The following STK17A variants were observed in gnomAD, a reference collection of about 807,000 sequenced individuals.
STK17A encodes serine/threonine-protein kinase 17A.
STK17A carries 26 observed loss-of-function variants against 43.7 expected under a neutral mutation model. That is an observed-to-expected ratio of 0.60 (90% CI 0.44 to 0.83). The LOEUF (loss-of-function observed/expected upper bound fraction) is 0.83, where lower values mean the gene tolerates loss of function less well. Among genes scored for constraint, STK17A ranks in the 40% least tolerant of loss-of-function variants. The probability of loss-of-function intolerance (pLI) is 0.00; values close to 1 mark genes in which losing one functional copy is unlikely to be tolerated. For missense variants in STK17A, 476 were observed against 511.6 expected, an observed-to-expected ratio of 0.93 and a Z score of 0.67; for synonymous variants, 191 against 182.5, an observed-to-expected ratio of 1.05 and a Z score of -0.38.
intron 2 of STK17A, among the ~76,000 whole-genome samples, chr7:43,598,294 C>T (rs1057017701): frequency 6.6e-6 from 1 of 151,932 alleles, no homozygotes; most frequent in Non-Finnish European, 1.5e-5. Context: ...TACAGTGAAA[C>T]CTCGTCTCTA....
At chr7:43,620,329 G>T (rs773626106) in intron 4 of STK17A, among the ~76,000 whole-genome samples, 4 of 152,150 alleles carry the variant, frequency 2.6e-5, no homozygotes, top group Non-Finnish European at 4.4e-5. Flanking sequence ...TCTTTTTAAG[G>T]TATCTGTAGA....
intron 2 of STK17A, among the ~76,000 whole-genome samples, chr7:43,598,488 G>A (rs115919737): frequency 0.087 from 12,492 of 143,142 alleles, 645 homozygotes; most frequent in Admixed American, 0.16. Context: ...AAAAAAAAAA[G>A]GAAATAGGTC....
rs969904658 is a variant in STK17A at position 43,590,166 on chromosome 7, G to T, written c.207-5735G>T. Among the ~76,000 whole-genome samples, 21 of 151,000 alleles carry T rather than the reference G, an allele frequency of 1.4e-4. 2 individuals are homozygous for T. In the South Asian group the frequency reaches 1.7e-3, roughly 12 times the overall value. Reference sequence around the variant, plus strand: ...TCGCCACGTTGCCCAGGCTGGTCTCGAACTCCTGGGCTCAAGCAATCCGCC... The same window carrying T: ...TCGCCACGTTGCCCAGGCTGGTCTCTAACTCCTGGGCTCAAGCAATCCGCC... On this transcript the variant is annotated intron_variant, in intron 1 of 6. Coordinates refer to ENST00000319357, the MANE Select transcript of STK17A (RefSeq NM_004760.3).
intron 6 of STK17A, among the ~76,000 whole-genome samples, chr7:43,624,229 G>T (rs1282588657): frequency 1.3e-5 from 2 of 152,170 alleles, no homozygotes; most frequent in Non-Finnish European, 2.9e-5. Flanking sequence ...AATTGACAGT[G>T]AAATGACAGC....
chr7:43,593,696 T>TC (rs1554478395), intron 1 of STK17A, among the ~76,000 whole-genome samples: 21,359 of 146,308 alleles, frequency 0.15, 2,052 homozygotes, highest in Non-Finnish European at 0.22. Flanking sequence ...TCTGTTCATA[T>TC]AAAAAAAAAA....
chr7:43,607,647 CAAAAAAAAAAA>C (rs760624386), intron 2 of STK17A, among the ~76,000 whole-genome samples: 3 of 54,358 alleles, frequency 5.5e-5, no homozygotes, highest in East Asian at 6.1e-4. Context: ...GACTCCGTCT[CAAAAAAAAAAA>C]AAAAAAAAAA....
chr7:43,608,583 G>T (rs2082640679), intron 3 of STK17A, 183 bp downstream of exon 3: 1 of 588,464 alleles, frequency 1.7e-6, no homozygotes, highest in Non-Finnish European at 2.8e-6. Context: ...ATGCACACAT[G>T]TGTACATGGA....
chr7:43,588,056 A>G (rs1018071567), intron 1 of STK17A, among the ~76,000 whole-genome samples: 1 of 151,658 alleles, frequency 6.6e-6, no homozygotes, highest in African/African-American at 2.4e-5. Flanking sequence ...AAGTAGCTAT[A>G]GTCACCTCTT....
Position 43,596,090 on chromosome 7 carries a change from A to G in STK17A, c.396A>G (p.Ser132=). Residue 132 remains serine, a synonymous_variant, in exon 2 of 7, where the codon TCA becomes TCG. Transcript: ENST00000319357. ...INLHEVYETA[S]EMILVLEYAA... is the part of the protein sequence containing the mutation. ...TACATGAAGTTTATGAGACTGCATC[A>G]GAAATGATCTTAGTTCTGGAATAGT... The G allele has an allele frequency of 6.2e-7, 1 of 1,611,652 alleles. No individual in the cohort carries two copies. The highest frequency in any genetic ancestry group is 1.8e-4 in the Middle Eastern group (1 of 5,572).
At chr7:43,614,158 G>A (rs1300863864) in intron 3 of STK17A, among the ~76,000 whole-genome samples, 6 of 152,150 alleles carry the variant, frequency 3.9e-5, no homozygotes, top group South Asian at 4.2e-4. Flanking sequence ...GATCTTAGCC[G>A]CCAAATCTTC....
intron 2 of STK17A, among the ~76,000 whole-genome samples, chr7:43,600,369 G>C (rs1351019148): frequency 6.6e-6 from 1 of 152,090 alleles, no homozygotes; most frequent in African/African-American, 2.4e-5. Context: ...GGGGATTTTA[G>C]ACTTTAAGGA....
At chr7:43,620,221 A>G (rs979563839) in intron 4 of STK17A, among the ~76,000 whole-genome samples, 2 of 152,190 alleles carry the variant, frequency 1.3e-5, no homozygotes, top group African/African-American at 4.8e-5. Flanking sequence ...CTGAATGATG[A>G]TACTCCATGG....
chr7:43,625,034 AG>A lies in STK17A; in HGVS notation c.*194del. 2.1e-6 allele frequency: 1 copy of A among 469,228 alleles called. No individual in the cohort carries two copies. Among genetic ancestry groups the A allele is most frequent in the Non-Finnish European group, 3.7e-6 (1 of 268,292 alleles). 29.1% of individuals were successfully genotyped at this position (469,228 alleles called of 1,614,324 possible). ...AAAGTTGCCAACCAGGAGATTTAACAGGTACAGTTACCCGTTTCAATGTTAT... is the reference window on the plus strand; with the variant it reads ...AAAGTTGCCAACCAGGAGATTTAACAGTACAGTTACCCGTTTCAATGTTAT... On this transcript the variant is annotated 3_prime_UTR_variant, in exon 7 of 7. Transcript: ENST00000319357.
At chr7:43,621,943 C>T (rs1169716523) in intron 4 of STK17A, among the ~76,000 whole-genome samples, 1 of 152,146 alleles carries the variant, frequency 6.6e-6, no homozygotes, top group Non-Finnish European at 1.5e-5. Flanking sequence ...GAGTTCTGGC[C>T]CTGTACTTGC....
intron 3 of STK17A, among the ~76,000 whole-genome samples, chr7:43,612,806 C>A (rs1218713010): frequency 6.7e-6 from 1 of 148,252 alleles, no homozygotes; most frequent in East Asian, 2.0e-4. Context: ...TGGGAAAGTT[C>A]TTGGGGTGGG....
At chr7:43,594,113 G>C (rs1192276423) in intron 1 of STK17A, among the ~76,000 whole-genome samples, 1 of 152,130 alleles carries the variant, frequency 6.6e-6, no homozygotes, top group African/African-American at 2.4e-5. Flanking sequence ...TTATGGGGAG[G>C]TGGGCATGGT....
chr7:43,622,359 C>G (rs1430442910), intron 4 of STK17A: 1 of 152,124 alleles, frequency 6.6e-6, no homozygotes, highest in Non-Finnish European at 1.5e-5. Context: ...CTCATTTATT[C>G]TATGGGGGTT....
Position 43,583,240 on chromosome 7 carries a change from C to T in STK17A, c.-4C>T, listed in dbSNP as rs1254776199. ...CGGCCAGGAAAGAAGCGGGCCTGAA[C>T]ACCATGATCCCTTTGGAGAAGCCAG... On this transcript the variant is annotated 5_prime_UTR_variant, in exon 1 of 7. Transcript: ENST00000319357. 4 of 1,553,660 alleles carry T rather than the reference C, an allele frequency of 2.6e-6. No individual in the cohort carries two copies. The highest frequency in any genetic ancestry group is 1.7e-4 in the Middle Eastern group (1 of 5,794).
intron 6 of STK17A, 143 bp downstream of exon 6, chr7:43,624,031 G>A (rs2084215975): frequency 3.5e-6 from 2 of 575,816 alleles, no homozygotes; most frequent in Non-Finnish European, 5.3e-6. Flanking sequence ...ACACAAAAAT[G>A]TTGACATAAA....
Sources: allele counts gnomAD v4.1 joint callset (sites outside exome capture counted in the v4.1 genomes callset), GRCh38; gene constraint gnomAD v4.1.1; transcripts MANE v1.5; gene names NCBI Gene and HGNC (gene_info 2026-07-23, HGNC 2026-07-21).